The following NCAM1 variants were observed in gnomAD, a reference collection of about 807,000 sequenced individuals.
NCAM1 encodes the protein neural cell adhesion molecule 1, also known as antigen recognized by monoclonal antibody 5.1H11.
In NCAM1, 14 loss-of-function variants were observed where a neutral mutation model predicts 109.8. The observed-to-expected ratio is 0.13, with a 90% CI of 0.08 to 0.20. The LOEUF (loss-of-function observed/expected upper bound fraction) is 0.20, where lower values mean the gene tolerates loss of function less well. NCAM1 is among the 10% of genes least tolerant of loss of function. NCAM1 has a pLI of 1.00. For synonymous variants in NCAM1, 418 were observed against 442.9 expected, an observed-to-expected ratio of 0.94 and a Z score of 0.70; for missense variants, 774 against 1,109.9, an observed-to-expected ratio of 0.70 and a Z score of 4.30.
rs1565409298 is a variant in NCAM1 at position 113,056,014 on chromosome 11, TATATATATATAAA to T, written c.52+94361_52+94373del. Among the ~76,000 whole-genome samples the T allele has an allele frequency of 3.8e-5, 4 of 104,212 alleles. No homozygotes were observed. In the East Asian group the frequency reaches 1.0e-3, roughly 26 times the overall value. The allele number at this position is 104,212 out of a possible 152,430, so 68.4% of individuals were successfully genotyped here. A position where few individuals can be genotyped will look rare whatever the true frequency, so the allele number is the denominator to read the frequency against. On this transcript the variant is annotated intron_variant, in intron 1 of 19. Transcript: ENST00000316851. ...ATATATATATATATATATATATATA[TATATATATATAAA>T]ATATATATATTATATATACACACAC...
intron 9 of NCAM1, among the ~76,000 whole-genome samples, chr11:113,227,212 A>G (rs2137169825): frequency 6.6e-6 from 1 of 152,114 alleles, no homozygotes; most frequent in East Asian, 1.9e-4. Context: ...AAAAGAGAGA[A>G]GAATCAAATA....
rs797023245 is a variant in NCAM1, at chr11:113,231,180, G to A, written c.1090-465G>A. On this transcript the variant is annotated intron_variant, in intron 9 of 19. Transcript: ENST00000316851. ...AATAATTTCTTATGTTGGGCACTTG[G>A]AATGTCCTGCCACAGGTACATGCAC... is the stretch of plus-strand genomic sequence containing the variant. 23 of 1,535,224 alleles carry A rather than the reference G, an allele frequency of 1.5e-5. No individual in the cohort carries two copies. The African/African-American group carries it at 2.2e-4, about 15-fold the overall frequency.
At chr11:112,981,556 T>TAG (rs1555068776) in intron 1 of NCAM1, among the ~76,000 whole-genome samples, 1 of 151,876 alleles carries the variant, frequency 6.6e-6, no homozygotes, top group East Asian at 1.9e-4. Context: ...GAATACTGAA[T>TAG]ATCTTATGGG....
At chr11:113,202,769 T>A (rs1176770458) in intron 2 of NCAM1, among the ~76,000 whole-genome samples, 1 of 152,182 alleles carries the variant, frequency 6.6e-6, no homozygotes, top group Non-Finnish European at 1.5e-5. Context: ...CTGTATACAT[T>A]CAGAGTTCTG....
chr11:112,990,064 C>G (rs894553325), intron 1 of NCAM1, among the ~76,000 whole-genome samples: 1 of 152,122 alleles, frequency 6.6e-6, no homozygotes, highest in East Asian at 1.9e-4. Context: ...GGGTGGCCAG[C>G]CTGTTACCAG....
chr11:113,148,324 A>G (rs1025800763), intron 1 of NCAM1, among the ~76,000 whole-genome samples: 3 of 149,276 alleles, frequency 2.0e-5, no homozygotes, highest in African/African-American at 2.5e-5. Context: ...CACCTGGGCC[A>G]GTTCTGGCTG....
At chr11:113,207,768 A>C (rs1257325360) in intron 6 of NCAM1, 65 bp from the exon 7 acceptor site, 2 of 1,498,348 alleles carry the variant, frequency 1.3e-6, no homozygotes, top group Non-Finnish European at 1.8e-6. Context: ...ATGGAACCTA[A>C]TTAAAAATAA....
chr11:113,198,311 T>C (rs1943917528), intron 1 of NCAM1, among the ~76,000 whole-genome samples: 1 of 152,146 alleles, frequency 6.6e-6, no homozygotes, highest in Admixed American at 6.5e-5. Flanking sequence ...TGATTATCTA[T>C]GAGCAAAGAG....
intron 1 of NCAM1, among the ~76,000 whole-genome samples, chr11:113,138,933 G>A (rs1012273005): frequency 1.7e-4 from 26 of 152,168 alleles, no homozygotes; most frequent in Non-Finnish European, 3.7e-4. Context: ...ATCACAGATG[G>A]CCCTCCAGTC....
intron 15 of NCAM1, among the ~76,000 whole-genome samples, chr11:113,255,597 GAA>G (rs34738476): frequency 4.2e-4 from 39 of 92,938 alleles, no homozygotes; most frequent in Middle Eastern, 6.9e-3. Flanking sequence ...TGAGACAGGG[GAA>G]AAAAAAAAAA....
At chr11:113,116,655 A>C (rs969261049) in intron 1 of NCAM1, among the ~76,000 whole-genome samples, 2 of 150,412 alleles carry the variant, frequency 1.3e-5, no homozygotes. Flanking sequence ...TCAAAGAGCA[A>C]GACTGATCAA....
chr11:113,208,013 T>G lies in NCAM1; in HGVS notation c.916+11T>G. On this transcript the variant is annotated intron_variant, in intron 7 of 19. Transcript: ENST00000316851. Reference sequence around the variant, plus strand: ...ACCTCAAAGTCTTTGGTAGGGGCAGTGGGGGCCCAGGTCACTGCTCTGCCA... The same window carrying G: ...ACCTCAAAGTCTTTGGTAGGGGCAGGGGGGGCCCAGGTCACTGCTCTGCCA... 1.9e-6 allele frequency: 3 copies of G among 1,600,826 alleles called. No homozygotes were observed. The highest frequency in any genetic ancestry group is 2.6e-6 in the Non-Finnish European group (3 of 1,173,388).
intron 1 of NCAM1, among the ~76,000 whole-genome samples, chr11:113,066,386 CG>C (rs1937958337): frequency 6.6e-6 from 1 of 152,134 alleles, no homozygotes. Context: ...TCACTAATTA[CG>C]TAAGGCTTTG....
intron 14 of NCAM1, among the ~76,000 whole-genome samples, chr11:113,241,978 T>C (rs1371671422): frequency 1.3e-5 from 2 of 152,204 alleles, no homozygotes; most frequent in African/African-American, 2.4e-5. Flanking sequence ...TTCCAGGCAC[T>C]GTCCTGTAGC....
At chr11:113,141,629 C>G (rs1941825101) in intron 1 of NCAM1, among the ~76,000 whole-genome samples, 2 of 152,156 alleles carry the variant, frequency 1.3e-5, no homozygotes, top group African/African-American at 4.8e-5. Context: ...AGCCTGGCGA[C>G]AGAGGGAGAC....
intron 1 of NCAM1, among the ~76,000 whole-genome samples, chr11:112,998,947 C>G (rs184585180): frequency 1.1e-4 from 16 of 152,244 alleles, no homozygotes; most frequent in Admixed American, 5.9e-4. Flanking sequence ...ACATGACCAT[C>G]ATAGTTTCAT....
intron 1 of NCAM1, among the ~76,000 whole-genome samples, chr11:113,004,488 T>C (rs1315805866): frequency 6.1e-5 from 9 of 147,574 alleles, no homozygotes; most frequent in African/African-American, 2.2e-4. Context: ...CAAGATTTCA[T>C]CTCAAAAAAA....
At chr11:113,119,000 G>A (rs1940830729) in intron 1 of NCAM1, among the ~76,000 whole-genome samples, 1 of 151,912 alleles carries the variant, frequency 6.6e-6, no homozygotes, top group Non-Finnish European at 1.5e-5. Context: ...CAAATTAATA[G>A]AAGAACATTA....
rs376171645 is a variant in NCAM1 at position 113,080,200 on chromosome 11, C to A, written c.52+118536C>A. On this transcript the variant is annotated intron_variant, in intron 1 of 19. Transcript: ENST00000316851. ...AGAGAGGCTGGCAGAAGATAATACA[C>A]CCTATTGAGTTAGTAATATAGGGTG... 3.3e-5 allele frequency among the ~76,000 whole-genome samples: 5 copies of A among 152,194 alleles called. No individual in the cohort carries two copies. The East Asian group carries it at 9.7e-4, about 29-fold the overall frequency.
Sources: allele counts gnomAD v4.1 joint callset (sites outside exome capture counted in the v4.1 genomes callset), GRCh38; gene constraint gnomAD v4.1.1; transcripts MANE v1.5; gene names NCBI Gene and HGNC (gene_info 2026-07-23, HGNC 2026-07-21).